CHN2: variants seen among roughly 807,000 people sequenced by gnomAD.
CHN2 encodes chimerin 2, also known as beta-chimaerin.
Under a neutral mutation model 56.3 loss-of-function variants are expected in CHN2, and 35 were observed. That is an observed-to-expected ratio of 0.62 (90% CI 0.47 to 0.82). The LOEUF is 0.82. CHN2 is among the 40% of genes least tolerant of loss of function. CHN2 has a pLI of 0.00. For missense variants in CHN2, 491 were observed against 580.5 expected (o/e 0.85, Z 1.58); for synonymous variants, 210 against 212.8 (o/e 0.99, Z 0.12).
At chr7:29,253,013 C>T (rs1454672442) in intron 1 of CHN2, among the ~76,000 whole-genome samples, 1 of 152,240 alleles carries the variant, frequency 6.6e-6, no homozygotes, top group African/African-American at 2.4e-5. Context: ...GACAGTTTCC[C>T]ATCACGGGAA....
chr7:29,308,916 G>A (rs1311216488), intron 1 of CHN2, among the ~76,000 whole-genome samples: 1 of 152,172 alleles, frequency 6.6e-6, no homozygotes, highest in Non-Finnish European at 1.5e-5. Context: ...AAGACCAGAA[G>A]GGTGTGAGGA....
At chr7:29,212,525 C>G in intron 1 of CHN2, 1 of 1,533,828 alleles carries the variant, frequency 6.5e-7, no homozygotes, top group Non-Finnish European at 9.0e-7. Flanking sequence ...CAAAGGCAAA[C>G]AACCCATTGC....
chr7:29,321,187 A>T (rs542764148), intron 1 of CHN2, among the ~76,000 whole-genome samples: 1 of 152,210 alleles, frequency 6.6e-6, no homozygotes, highest in East Asian at 1.9e-4. Context: ...TCATTTATAC[A>T]TGCTTTTCTA....
intron 6 of CHN2, among the ~76,000 whole-genome samples, chr7:29,421,566 C>T (rs750951848): frequency 1.3e-5 from 2 of 152,208 alleles, no homozygotes; most frequent in Admixed American, 1.3e-4. Context: ...TGCACTTCCT[C>T]CTGCTTTATT....
At chr7:29,207,178 A>T (rs1784578289) in intron 1 of CHN2, among the ~76,000 whole-genome samples, 1 of 152,240 alleles carries the variant, frequency 6.6e-6, no homozygotes, top group Non-Finnish European at 1.5e-5. Context: ...AGAGAAGGTG[A>T]ATCAGTCATA....
At chr7:29,390,053 CA>C (rs59954760) in intron 3 of CHN2, among the ~76,000 whole-genome samples, 32 of 121,976 alleles carry the variant, frequency 2.6e-4, no homozygotes, top group East Asian at 9.4e-4. Context: ...GACACTGTCT[CA>C]AAAAAAAAAA....
chr7:29,256,946 T>G (rs1352561687), intron 1 of CHN2, among the ~76,000 whole-genome samples: 1 of 152,180 alleles, frequency 6.6e-6, no homozygotes, highest in Admixed American at 6.5e-5. Flanking sequence ...ATGTGATACT[T>G]TCTTGGAGCC....
chr7:29,452,317 G>C (rs369157730), intron 6 of CHN2, among the ~76,000 whole-genome samples: 2 of 152,194 alleles, frequency 1.3e-5, no homozygotes, highest in Non-Finnish European at 1.5e-5. Flanking sequence ...GCTGGGCCTC[G>C]GGTGAAGGAA....
intron 2 of CHN2, among the ~76,000 whole-genome samples, chr7:29,156,505 C>A (rs979239343): frequency 1.3e-4 from 20 of 152,284 alleles, no homozygotes; most frequent in African/African-American, 3.9e-4. Flanking sequence ...TGTGAAATAA[C>A]CAGCCATATG....
chr7:29,465,210 G>C (rs527536624), intron 6 of CHN2, among the ~76,000 whole-genome samples: 29 of 152,288 alleles, frequency 1.9e-4, no homozygotes, highest in Non-Finnish European at 4.0e-4. Context: ...GCTTTCTAGT[G>C]ATTCTGATCA....
intron 7 of CHN2, among the ~76,000 whole-genome samples, chr7:29,481,419 A>C (rs1190291831): frequency 6.6e-6 from 1 of 152,190 alleles, no homozygotes; most frequent in Admixed American, 6.5e-5. Flanking sequence ...ACAAATATTC[A>C]TCTATTAAAT....
intron 1 of CHN2, among the ~76,000 whole-genome samples, chr7:29,333,200 A>G (rs192751113): frequency 6.6e-6 from 1 of 152,248 alleles, no homozygotes; most frequent in East Asian, 1.9e-4. Context: ...TGTACAGAGC[A>G]GCAATGGGAA....
At chr7:29,494,950 TAAAAAAAAAAAAAAAA>T (rs5883217) in intron 7 of CHN2, among the ~76,000 whole-genome samples, 57 of 64,662 alleles carry the variant, frequency 8.8e-4, no homozygotes, top group Middle Eastern at 0.015. Context: ...AAGCAGTTTG[TAAAAAAAAAAAAAAAA>T]AAAAAAAAAA....
At chr7:29,484,725 C>T (rs963777817) in intron 7 of CHN2, among the ~76,000 whole-genome samples, 2 of 152,090 alleles carry the variant, frequency 1.3e-5, no homozygotes, top group Non-Finnish European at 2.9e-5. Context: ...GCACACCTTT[C>T]GGGGGATATA....
intron 1 of CHN2, among the ~76,000 whole-genome samples, chr7:29,354,399 A>G (rs921839041): frequency 1.3e-5 from 2 of 152,162 alleles, no homozygotes; most frequent in South Asian, 2.1e-4. Context: ...TTGTTAAGCA[A>G]TTGATCTGCC....
intron 1 of CHN2, among the ~76,000 whole-genome samples, chr7:29,197,170 G>A (rs1441894605): frequency 1.3e-5 from 2 of 152,164 alleles, no homozygotes; most frequent in African/African-American, 2.4e-5. Flanking sequence ...TCAGGGGAAG[G>A]CCAGAATCTG....
At chr7:29,409,175 T>C (rs2128094982) in intron 6 of CHN2, among the ~76,000 whole-genome samples, 1 of 152,274 alleles carries the variant, frequency 6.6e-6, no homozygotes, top group Admixed American at 6.5e-5. Context: ...GCCTAGGACT[T>C]GTAAAAATCA....
At chr7:29,350,835 C>A (rs971230424) in intron 1 of CHN2, among the ~76,000 whole-genome samples, 1 of 152,112 alleles carries the variant, frequency 6.6e-6, no homozygotes, top group Non-Finnish European at 1.5e-5. Flanking sequence ...TGCGGCCGGG[C>A]GAGGTGGCTC....
chr7:29,326,612 G>A (rs532306518), intron 1 of CHN2, among the ~76,000 whole-genome samples: 1 of 152,108 alleles, frequency 6.6e-6, no homozygotes, highest in Non-Finnish European at 1.5e-5. Context: ...TTGAAGAAAG[G>A]TTTTTGTTGT....
Sources: gnomAD v4.1 joint callset for allele counts (sites outside exome capture counted in the v4.1 genomes callset) on GRCh38, gnomAD v4.1.1 for gene constraint, MANE v1.5 for transcripts, NCBI Gene and HGNC (gene_info 2026-07-23, HGNC 2026-07-21) for gene names.